GRN: variants seen among roughly 807,000 people sequenced by gnomAD.
GRN encodes granulin precursor, also known as progranulin.
Under a neutral mutation model 66.7 loss-of-function variants are expected in GRN, and 30 were observed. The ratio of observed to expected loss-of-function variants is 0.45; its 90% CI spans 0.34 to 0.61. The LOEUF (loss-of-function observed/expected upper bound fraction) is 0.61, where lower values mean the gene tolerates loss of function less well. GRN is among the 20% of genes least tolerant of loss of function. GRN has a pLI of 0.01. For synonymous variants in GRN, 327 were observed against 311.1 expected, an observed-to-expected ratio of 1.05 and a Z score of -0.54; for missense variants, 731 against 803.5, an observed-to-expected ratio of 0.91 and a Z score of 1.09.
At chr17:44,348,790 C>T (rs1207973151) in intron 1 of GRN, among the ~76,000 whole-genome samples, 1 of 152,248 alleles carries the variant, frequency 6.6e-6, no homozygotes, top group Admixed American at 6.5e-5. Flanking sequence ...GCCTTCCCCT[C>T]ACCCCAGAGG....
At chr17:44,351,191 G>T (rs1388236056) in intron 8 of GRN, 28 bp downstream of exon 8, 2 of 1,614,026 alleles carry the variant, frequency 1.2e-6, no homozygotes, top group Non-Finnish European at 1.7e-6. Context: ...CAGATACAGG[G>T]GTGGGGCCCC....
Position 44,351,539 on chromosome 17 carries a change from A to G in GRN, c.934-11A>G. On this transcript the variant is annotated splice_polypyrimidine_tract_variant and intron_variant, in intron 9 of 12. Transcript: ENST00000053867. ...CCCCAGTGCCCACCTGCCCTTCTTCATCTGCCCTAGGCTGTGTGCTGTGAG... is the reference window on the plus strand; with the variant it reads ...CCCCAGTGCCCACCTGCCCTTCTTCGTCTGCCCTAGGCTGTGTGCTGTGAG... The G allele has an allele frequency of 6.2e-7, 1 of 1,613,946 alleles. No homozygotes were observed.
chr17:44,352,322 G>A lies in GRN; in HGVS notation c.1414-19G>A. ...GGGGACAGGAACATAATGCCATTCT[G>A]TGCTCCCTTCCCCGCCAGGCTGTGT... On this transcript the variant is annotated intron_variant, in intron 11 of 12. Transcript: ENST00000053867. The A allele has an allele frequency of 6.2e-7, 1 of 1,609,964 alleles. No individual in the cohort carries two copies. Among genetic ancestry groups the A allele is most frequent in the African/African-American group, 1.3e-5 (1 of 74,880 alleles).
At position 44,352,487 on chromosome 17, in the gene GRN, G is replaced by A; in HGVS notation, c.1560G>A (p.Glu520=). The change falls in exon 12 of 13, where the codon GAG becomes GAA. Residue 520 remains glutamate, a synonymous_variant. Coordinates refer to ENST00000053867, the MANE Select transcript of GRN (RefSeq NM_002087.4). The stretch of plus-strand genomic sequence containing the variant: ...CTCACGTGGGTGTGAAGGACGTGGA[G>A]TGTGGGGAAGGACACTTCTGCCATG... ...RSPHVGVKDV[E]CGEGHFCHDN... 6.2e-7 allele frequency: 1 copy of A among 1,613,884 alleles called. No individual in the cohort carries two copies. The highest frequency in any genetic ancestry group is 8.5e-7 in the Non-Finnish European group (1 of 1,179,930).
chr17:44,352,040 A>G lies in GRN; in HGVS notation c.1205A>G (p.His402Arg). 1 of 1,613,496 alleles carries G rather than the reference A, an allele frequency of 6.2e-7. No individual in the cohort carries two copies. Among genetic ancestry groups the G allele is most frequent in the South Asian group, 1.1e-5 (1 of 91,072 alleles). Residue 402 changes from histidine (H) to arginine (R), a missense_variant, in exon 11 of 13, where the codon CAC becomes CGC. Around this residue, in one of 3 missense-constraint regions of GRN, gnomAD observed 319 missense variants for 347.2 expected, o/e 0.92. Transcript: ENST00000053867. ...PEAVCCSDHQ[H>R]CCPQGYTCVA... ...GCTGTCTGCTGCTCGGACCACCAGC[A>G]CTGCTGCCCCCAGGGCTACACGTGT...
At chr17:44,345,608 AG>A (rs1450533076) in intron 1 of GRN, 4 of 152,322 alleles carry the variant, frequency 2.6e-5, no homozygotes, top group Admixed American at 2.6e-4. Context: ...CCCTGTCGGT[AG>A]GTGCTGGCTT....
rs375343686 is a variant in GRN at position 44,350,320 on chromosome 17, G to C, written c.442G>C (p.Gly148Arg). Reference sequence around the variant, plus strand: ...CTGTGTTATGGTCGATGGCTCCTGGGGGTGCTGCCCCATGCCCCAGGTACA... The same window carrying C: ...CTGTGTTATGGTCGATGGCTCCTGGCGGTGCTGCCCCATGCCCCAGGTACA... ...TCCVMVDGSWGCCPMPQASCC... is the reference protein window; with the variant it reads ...TCCVMVDGSWRCCPMPQASCC... The change falls in exon 5 of 13, where the codon GGG becomes CGG. Residue 148 changes from glycine to arginine, a missense_variant. This residue lies in a region of GRN where 370 missense variants were observed against 379.8 expected (regional missense o/e 0.97). Transcript: ENST00000053867. 6.2e-7 allele frequency: 1 copy of C among 1,613,736 alleles called. No individual in the cohort carries two copies. The highest frequency in any genetic ancestry group is 1.7e-5 in the Admixed American group (1 of 59,996).
intron 1 of GRN, among the ~76,000 whole-genome samples, chr17:44,346,884 G>A (rs1235082405): frequency 2.6e-5 from 4 of 152,158 alleles, no homozygotes; most frequent in Admixed American, 6.5e-5. Context: ...GGGAGGCCGT[G>A]GCAGGTGGAT....
At chr17:44,347,681 G>A (rs924724085) in intron 1 of GRN, among the ~76,000 whole-genome samples, 6 of 151,838 alleles carry the variant, frequency 4.0e-5, no homozygotes, top group African/African-American at 1.4e-4. Context: ...GCTGGGTGTG[G>A]TGGTTCAAGC....
At position 44,351,688 on chromosome 17, in the gene GRN, C is replaced by G; in HGVS notation, c.1072C>G (p.Gln358Glu). 1 of 1,614,070 alleles carries G rather than the reference C, an allele frequency of 6.2e-7. No homozygotes were observed. The highest frequency in any genetic ancestry group is 8.5e-7 in the Non-Finnish European group (1 of 1,179,998). The part of the protein sequence containing the change: ...APAHLSLPDP[Q>E]ALKRDVPCDN... ...AGCTCACCTCAGCCTGCCAGACCCACAAGCCTTGAAGAGAGATGTCCCCTG... is the reference window on the plus strand; with the variant it reads ...AGCTCACCTCAGCCTGCCAGACCCAGAAGCCTTGAAGAGAGATGTCCCCTG... Residue 358 changes from glutamine to glutamate, a missense_variant, in exon 10 of 13, where the codon CAA (glutamine) becomes GAA (glutamate). Transcript: ENST00000053867.
rs542719778 is a variant in GRN, at chr17:44,347,907, G to A, written c.-7-1251G>A. ...ATCGTGCCACTGAACTCGAGCATGG[G>A]CAACAGAGCAAGACTGTCTCAAAAA... On this transcript the variant is annotated intron_variant, in intron 1 of 12. Coordinates refer to ENST00000053867, the MANE Select transcript of GRN (RefSeq NM_002087.4). 1.7e-3 allele frequency among the ~76,000 whole-genome samples: 245 copies of A among 144,056 alleles called. 1 individual carries two copies. Among genetic ancestry groups the A allele is most frequent in the Non-Finnish European group, 3.1e-3 (207 of 66,492 alleles). The allele number at this position is 144,056 out of a possible 152,430, so 94.5% of individuals were successfully genotyped here. A position where few individuals can be genotyped will look rare whatever the true frequency, so the allele number is the denominator to read the frequency against.
chr17:44,345,785 T>G (rs2143308403), intron 1 of GRN: 1 of 152,358 alleles, frequency 6.6e-6, no homozygotes, highest in Admixed American at 6.5e-5. Flanking sequence ...GTCTGGCTCC[T>G]CCTTACTTCC....
intron 11 of GRN, 44 bp downstream of exon 11, chr17:44,352,292 A>C: frequency 6.2e-7 from 1 of 1,603,204 alleles, no homozygotes; most frequent in South Asian, 1.1e-5. Flanking sequence ...AGCTAAGCCC[A>C]GTGAGGGGAC....
In GRN at chr17:44,352,162, G is replaced by A. The variant is rs773442774; in HGVS notation, c.1327G>A (p.Gly443Ser). The stretch of plus-strand genomic sequence containing the variant: ...TTCCTTATCCCACCCCAGAGACATC[G>A]GCTGTGACCAGCACACCAGCTGCCC... ...RASLSHPRDI[G>S]CDQHTSCPVG... The change falls in exon 11 of 13, where the codon GGC becomes AGC. Residue 443 changes from glycine to serine, a missense_variant. By Grantham distance (56) the Gly-to-Ser change is moderately conservative. Transcript: ENST00000053867. The A allele has an allele frequency of 1.2e-5, 20 of 1,613,614 alleles. No homozygotes were observed. The East Asian group carries it at 3.3e-4, about 27-fold the overall frequency.
rs758558626 is a variant in GRN at position 44,352,721 on chromosome 17, G to A, written c.1705G>A (p.Gly569Ser). 3 of 1,611,214 alleles carry A rather than the reference G, an allele frequency of 1.9e-6. No individual in the cohort carries two copies. The highest frequency in any genetic ancestry group is 2.2e-5 in the East Asian group (1 of 44,892). ...TGCTGGCTTCCGCTGCGCAGCCAGGGGTACCAAGTGTTTGCGCAGGGAGGC... is the reference window on the plus strand; with the variant it reads ...TGCTGGCTTCCGCTGCGCAGCCAGGAGTACCAAGTGTTTGCGCAGGGAGGC... Reference protein sequence around the residue: ...CPAGFRCAARGTKCLRREAPR... With the variant: ...CPAGFRCAARSTKCLRREAPR... Residue 569 changes from glycine (G) to serine (S), a missense_variant, in exon 13 of 13, where the codon GGT becomes AGT. Gly to Ser is a moderately conservative substitution (Grantham distance 56). Around this residue, in one of 3 missense-constraint regions of GRN, gnomAD observed 319 missense variants for 347.2 expected, o/e 0.92. Coordinates refer to ENST00000053867, the MANE Select transcript of GRN (RefSeq NM_002087.4).
rs1006606455 is a variant in GRN at position 44,352,647 on chromosome 17, C to A, written c.1645-14C>A. ...CACCTCGTCCAACCCTCTCGCCCCC[C>A]TCTGACCATCCAGGGCGTCTGTTGT... On this transcript the variant is annotated splice_polypyrimidine_tract_variant and intron_variant, in intron 12 of 12. Transcript: ENST00000053867. 6.2e-7 allele frequency: 1 copy of A among 1,609,924 alleles called. No homozygotes were observed. Among genetic ancestry groups the A allele is most frequent in the South Asian group, 1.1e-5 (1 of 91,092 alleles).
rs769114731 is a variant in GRN, at chr17:44,352,146, C to T, written c.1311C>T (p.Ser437=). The change falls in exon 11 of 13, where the codon TCC becomes TCT. Residue 437 remains serine (S), a synonymous_variant. Coordinates refer to ENST00000053867, the MANE Select transcript of GRN (RefSeq NM_002087.4). ...EKMPARRASL[S]HPRDIGCDQH... The stretch of plus-strand genomic sequence containing the variant: ...TGCCTGCCCGCCGGGCTTCCTTATC[C>T]CACCCCAGAGACATCGGCTGTGACC... 6.2e-7 allele frequency: 1 copy of T among 1,613,834 alleles called. No individual in the cohort carries two copies. The highest frequency in any genetic ancestry group is 8.5e-7 in the Non-Finnish European group (1 of 1,179,954).
chr17:44,350,732 C>T lies in GRN; in HGVS notation c.640C>T (p.Arg214Trp), dbSNP rs755231071. ...GGTCATGTGTCCGGACGCACGGTCC[C>T]GGTGCCCTGATGGTTCTACCTGCTG... ...SSVMCPDARSRCPDGSTCCEL... is the reference protein window; with the variant it reads ...SSVMCPDARSWCPDGSTCCEL... Residue 214 changes from arginine (R) to tryptophan (W), a missense_variant, in exon 7 of 13, where the codon CGG becomes TGG. This residue lies in a region of GRN where 370 missense variants were observed against 379.8 expected (regional missense o/e 0.97). Coordinates refer to ENST00000053867, the MANE Select transcript of GRN (RefSeq NM_002087.4). 7.4e-6 allele frequency: 12 copies of T among 1,614,028 alleles called. No individual in the cohort carries two copies. Among genetic ancestry groups the T allele is most frequent in the East Asian group, 4.5e-5 (2 of 44,870 alleles).
At chr17:44,349,645 C>T (rs1191500772) in intron 3 of GRN, 22 bp from the exon 4 acceptor site, 2 of 1,611,650 alleles carry the variant, frequency 1.2e-6, no homozygotes, top group African/African-American at 2.7e-5. Flanking sequence ...CCTGCCAATG[C>T]AGGTTTCTCT....
Sources: gnomAD v4.1 joint callset for allele counts (sites outside exome capture counted in the v4.1 genomes callset) on GRCh38, gnomAD v4.1.1 for gene constraint, gnomAD v4.1.1 regional missense constraint, MANE v1.5 for transcripts, NCBI Gene and HGNC (gene_info 2026-07-23, HGNC 2026-07-21) for gene names.